BMPR1B: variants seen among roughly 807,000 people sequenced by gnomAD.
BMPR1B encodes the protein bone morphogenetic protein receptor type 1B.
In BMPR1B, 12 loss-of-function variants were observed where a neutral mutation model predicts 59.1. The observed-to-expected ratio is 0.20, with a 90% CI of 0.13 to 0.33. The LOEUF is 0.33. Among genes scored for constraint, BMPR1B ranks in the 10% least tolerant of loss-of-function variants. BMPR1B has a pLI of 1.00. For missense variants in BMPR1B, 550 were observed against 610.9 expected, an observed-to-expected ratio of 0.90 and a Z score of 1.05; for synonymous variants, 237 against 207.3, an observed-to-expected ratio of 1.14 and a Z score of -1.23.
chr4:95,092,524 T>C (rs1271720858), intron 3 of BMPR1B, among the ~76,000 whole-genome samples: 5 of 152,148 alleles, frequency 3.3e-5, no homozygotes, highest in Admixed American at 2.6e-4. Context: ...TCATTGGTGA[T>C]GATAATAGTT....
At chr4:95,116,415 GCGCGCGCACACA>G (rs1025759973) in intron 6 of BMPR1B, among the ~76,000 whole-genome samples, 1 of 67,900 alleles carries the variant, frequency 1.5e-5, no homozygotes, top group African/African-American at 7.9e-5. Context: ...CATGCTTTCA[GCGCGCGCACACA>G]CACACACACA....
intron 1 of BMPR1B, among the ~76,000 whole-genome samples, chr4:94,856,371 C>G (rs1254804323): frequency 1.3e-5 from 2 of 152,106 alleles, no homozygotes; most frequent in Non-Finnish European, 2.9e-5. Context: ...ATGTCTTTCT[C>G]CAGCCAGCTA....
At chr4:94,834,983 A>G (rs1724747031) in intron 1 of BMPR1B, among the ~76,000 whole-genome samples, 3 of 150,614 alleles carry the variant, frequency 2.0e-5, no homozygotes, top group Admixed American at 1.3e-4. Context: ...CTTCAAAGAT[A>G]GGGAGTAGTC....
chr4:94,899,160 C>A (rs1256620157), intron 2 of BMPR1B, among the ~76,000 whole-genome samples: 1 of 151,962 alleles, frequency 6.6e-6, no homozygotes, highest in Non-Finnish European at 1.5e-5. Context: ...TTCTCTTCTT[C>A]TGTGTGTGCA....
At chr4:94,795,663 C>A (rs1046572404) in intron 1 of BMPR1B, among the ~76,000 whole-genome samples, 16 of 152,060 alleles carry the variant, frequency 1.1e-4, no homozygotes, top group Middle Eastern at 3.4e-3. Context: ...GGGGTTTCAC[C>A]ATATTGGCCA....
chr4:95,146,004 T>G (rs1446513923), intron 10 of BMPR1B, among the ~76,000 whole-genome samples: 1 of 152,226 alleles, frequency 6.6e-6, no homozygotes, highest in Non-Finnish European at 1.5e-5. Flanking sequence ...AAGTACATTA[T>G]TTTCCTGTCA....
At chr4:95,030,300 G>A (rs1479830814) in intron 3 of BMPR1B, among the ~76,000 whole-genome samples, 2 of 152,140 alleles carry the variant, frequency 1.3e-5, no homozygotes, top group Non-Finnish European at 2.9e-5. Flanking sequence ...TGTATAAGGT[G>A]TAAGGAAGGG....
intron 2 of BMPR1B, among the ~76,000 whole-genome samples, chr4:94,987,194 TC>T (rs1721473013): frequency 7.2e-6 from 1 of 139,790 alleles, no homozygotes; most frequent in African/African-American, 2.6e-5. Flanking sequence ...ATATAATATA[TC>T]ATATATATGT....
At chr4:95,087,017 TTTTTTG>T (rs74665353) in intron 3 of BMPR1B, among the ~76,000 whole-genome samples, 1 of 145,904 alleles carries the variant, frequency 6.9e-6, no homozygotes. Flanking sequence ...TTTTTTTTTT[TTTTTTG>T]AGACAGAGTC....
intron 2 of BMPR1B, among the ~76,000 whole-genome samples, chr4:94,925,169 C>T (rs900070977): frequency 2.0e-5 from 3 of 152,064 alleles, no homozygotes; most frequent in Non-Finnish European, 2.9e-5. Flanking sequence ...GCCACCCAGA[C>T]TCCAAGCATG....
At chr4:94,886,206 C>A (rs1304847305) in intron 2 of BMPR1B, among the ~76,000 whole-genome samples, 1 of 152,082 alleles carries the variant, frequency 6.6e-6, no homozygotes, top group Non-Finnish European at 1.5e-5. Context: ...TAAGAAATAA[C>A]ACTTTAAGAA....
intron 3 of BMPR1B, among the ~76,000 whole-genome samples, chr4:95,034,261 A>G (rs1228187420): frequency 6.6e-6 from 1 of 152,104 alleles, no homozygotes; most frequent in African/African-American, 2.4e-5. Context: ...ATAGGTATAT[A>G]TGTTTATTGG....
chr4:94,792,734 G>A (rs1188747308), intron 1 of BMPR1B, among the ~76,000 whole-genome samples: 1 of 152,148 alleles, frequency 6.6e-6, no homozygotes, highest in Non-Finnish European at 1.5e-5. Context: ...TAGTTGAGAT[G>A]CTACTGTAAA....
chr4:94,836,976 T>C (rs972738155), intron 1 of BMPR1B, among the ~76,000 whole-genome samples: 2 of 143,126 alleles, frequency 1.4e-5, no homozygotes, highest in Admixed American at 1.4e-4. Flanking sequence ...TTTCTACATA[T>C]GGCTAGCCAG....
intron 10 of BMPR1B, among the ~76,000 whole-genome samples, chr4:95,140,298 A>G (rs1734130488): frequency 6.6e-6 from 1 of 152,202 alleles, no homozygotes; most frequent in Non-Finnish European, 1.5e-5. Flanking sequence ...TCCATATGGA[A>G]CACAGGATGA....
At chr4:94,850,719 A>G (rs964061082) in intron 1 of BMPR1B, among the ~76,000 whole-genome samples, 2 of 152,190 alleles carry the variant, frequency 1.3e-5, no homozygotes, top group African/African-American at 2.4e-5. Flanking sequence ...GCTCTTGTCC[A>G]AGGCTGGATC....
chr4:94,972,594 A>G (rs995075500), intron 2 of BMPR1B, among the ~76,000 whole-genome samples: 8 of 151,970 alleles, frequency 5.3e-5, no homozygotes, highest in African/African-American at 1.7e-4. Flanking sequence ...CATTTGCATA[A>G]TATTTCATCA....
At chr4:94,969,854 T>C (rs2149075330) in intron 2 of BMPR1B, among the ~76,000 whole-genome samples, 2 of 152,328 alleles carry the variant, frequency 1.3e-5, no homozygotes, top group South Asian at 4.1e-4. Flanking sequence ...ATGGAAATAT[T>C]CTAACTTTGT....
chr4:94,760,501 T>C lies in BMPR1B; in HGVS notation c.-183+2433T>C, dbSNP rs183466856. ...AAATGTGCTTATCTTTTGCCACATA[T>C]AGCACCTCCTCCAGCTCTTTCTGAG... is the stretch of plus-strand genomic sequence containing the variant. On this transcript the variant is annotated intron_variant, in intron 1 of 12. Transcript: ENST00000515059. Among the ~76,000 whole-genome samples the C allele has an allele frequency of 3.9e-5, 6 of 152,308 alleles. No individual in the cohort carries two copies. In the East Asian group the frequency reaches 9.6e-4, roughly 24 times the overall value.
Sources: gnomAD v4.1 joint callset for allele counts (sites outside exome capture counted in the v4.1 genomes callset) on GRCh38, gnomAD v4.1.1 for gene constraint, MANE v1.5 for transcripts, NCBI Gene and HGNC (gene_info 2026-07-23, HGNC 2026-07-21) for gene names.